SMU1: variants seen among roughly 807,000 people sequenced by gnomAD.
SMU1 encodes the protein SMU1 DNA replication regulator and spliceosomal factor, also known as WD40 repeat-containing protein SMU1.
A neutral mutation model predicts 62.0 loss-of-function variants in SMU1; 2 were observed. The ratio of observed to expected loss-of-function variants is 0.03; its 90% CI spans 0.01 to 0.10. The LOEUF (loss-of-function observed/expected upper bound fraction) is 0.10. SMU1 is among the 10% of genes least tolerant of loss of function. The pLI, the probability that SMU1 is intolerant of heterozygous loss-of-function variation, is 1.00. For missense variants in SMU1, 227 were observed against 622.1 expected, an observed-to-expected ratio of 0.36 and a Z score of 6.76; for synonymous variants, 188 against 212.4, an observed-to-expected ratio of 0.89 and a Z score of 1.00.
rs1839182254 is a variant in SMU1 at position 33,046,133 on chromosome 9, AAT to A, written c.*1158_*1159del. On this transcript the variant is annotated 3_prime_UTR_variant, in exon 12 of 12. Coordinates refer to ENST00000397149, the MANE Select transcript of SMU1 (RefSeq NM_018225.3). Reference sequence around the variant, plus strand: ...ACATGTTTTTCTTTAGATAACTGGTAATGATGCACATTACAAAGGAGACTTTT... The same window carrying A: ...ACATGTTTTTCTTTAGATAACTGGTAGATGCACATTACAAAGGAGACTTTT... The A allele has an allele frequency of 6.6e-6, 1 of 152,248 alleles. No homozygotes were observed. Among genetic ancestry groups the A allele is most frequent in the African/African-American group, 2.4e-5 (1 of 41,466 alleles). 9.4% of individuals were successfully genotyped at this position (152,248 alleles called of 1,614,324 possible).
At chr9:33,061,123 C>G (rs978862288) in intron 5 of SMU1, among the ~76,000 whole-genome samples, 1 of 152,166 alleles carries the variant, frequency 6.6e-6, no homozygotes, top group African/African-American at 2.4e-5. Flanking sequence ...AGCTAATATA[C>G]TGTCTGATAA....
Position 33,057,726 on chromosome 9 carries a change from A to G in SMU1, c.751-12T>C, listed in dbSNP as rs1388156256. 6.2e-7 allele frequency: 1 copy of G among 1,613,296 alleles called. No individual in the cohort carries two copies. Among genetic ancestry groups the G allele is most frequent in the African/African-American group, 1.3e-5 (1 of 74,920 alleles). The stretch of plus-strand genomic sequence containing the variant: ...TGGTACTTAAGATCCTAAAGAAACA[A>G]TGGTTAGCAGTTATCAAAATAACAC... On this transcript the variant is annotated splice_polypyrimidine_tract_variant and intron_variant, in intron 6 of 11. Coordinates refer to ENST00000397149, the MANE Select transcript of SMU1 (RefSeq NM_018225.3).
Position 33,076,654 on chromosome 9 carries a change from G to T in SMU1, c.-46C>A. ...AGGCCCCAGCTCTCCCTCAAGGCCAGTCGCGCAACACACCAACGACACCTC... is the reference window on the plus strand; with the variant it reads ...AGGCCCCAGCTCTCCCTCAAGGCCATTCGCGCAACACACCAACGACACCTC... On this transcript the variant is annotated 5_prime_UTR_variant, in exon 1 of 12. In the 5' UTR this introduces an upstream ATG that the reference lacks. Transcript: ENST00000397149. The T allele has an allele frequency of 6.2e-7, 1 of 1,613,304 alleles. No homozygotes were observed.
chr9:33,054,453 C>T (rs1839283996), intron 9 of SMU1, among the ~76,000 whole-genome samples: 1 of 152,158 alleles, frequency 6.6e-6, no homozygotes, highest in African/African-American at 2.4e-5. Context: ...GAACAGAAGT[C>T]ACAATGTTAG....
intron 10 of SMU1, 94 bp from the exon 11 acceptor site, chr9:33,048,352 T>G: frequency 6.6e-7 from 1 of 1,512,010 alleles, no homozygotes; most frequent in Non-Finnish European, 9.0e-7. Flanking sequence ...CGTTGTTATT[T>G]TGCACTTTGG....
chr9:33,060,644 C>A, intron 5 of SMU1, 60 bp from the exon 6 acceptor site: 1 of 1,593,898 alleles, frequency 6.3e-7, no homozygotes, highest in African/African-American at 1.4e-5. Context: ...AAAACAATTC[C>A]TTTTTTAACC....
At chr9:33,060,715 G>A (rs1316430699) in intron 5 of SMU1, 131 bp from the exon 6 acceptor site, 3 of 1,126,048 alleles carry the variant, frequency 2.7e-6, no homozygotes, top group Non-Finnish European at 3.7e-6. Flanking sequence ...AGTATTGGAG[G>A]GGTATTTCTG....
At chr9:33,058,239 T>G (rs944247864) in intron 6 of SMU1, among the ~76,000 whole-genome samples, 4 of 152,186 alleles carry the variant, frequency 2.6e-5, no homozygotes, top group Non-Finnish European at 5.9e-5. Flanking sequence ...TAAAGAAACA[T>G]ATAAAGTAGA....
Position 33,042,128 on chromosome 9 carries a change from G to C in SMU1, c.*5165C>G, listed in dbSNP as rs986141331. ...ACTAAAAGAAAGTCATATTAGGTCG[G>C]TTGGTGCAAAAGTAATGTGCCATTA... On this transcript the variant is annotated 3_prime_UTR_variant, in exon 12 of 12. Coordinates refer to ENST00000397149, the MANE Select transcript of SMU1 (RefSeq NM_018225.3). 6.7e-6 allele frequency: 1 copy of C among 148,622 alleles called. No homozygotes were observed. The highest frequency in any genetic ancestry group is 1.5e-5 in the Non-Finnish European group (1 of 66,540). The allele number at this position is 148,622 out of a possible 1,614,324, so 9.2% of individuals were successfully genotyped here. A position where few individuals can be genotyped will look rare whatever the true frequency, so the allele number is the denominator to read the frequency against.
At chr9:33,060,233 T>G (rs539438490) in intron 6 of SMU1, among the ~76,000 whole-genome samples, 5 of 151,880 alleles carry the variant, frequency 3.3e-5, no homozygotes, top group African/African-American at 1.2e-4. Flanking sequence ...CCCGGCTGGG[T>G]TGAACTCCTG....
rs113985032 is a variant in SMU1 at position 33,075,863 on chromosome 9, A to C, written c.26+720T>G. On this transcript the variant is annotated intron_variant, in intron 1 of 11. Coordinates refer to ENST00000397149, the MANE Select transcript of SMU1 (RefSeq NM_018225.3). ...GATGGAGTTCTGGAAAAGCACACTA[A>C]GGTCTTCTTTAGTCACTAATTCTCA... Among the ~76,000 whole-genome samples the C allele has an allele frequency of 4.2e-3, 644 of 152,270 alleles. 2 individuals carry two copies. Among genetic ancestry groups the C allele is most frequent in the African/African-American group, 0.015 (617 of 41,554 alleles).
At chr9:33,051,270 T>A (rs1438554703) in intron 10 of SMU1, among the ~76,000 whole-genome samples, 2 of 151,864 alleles carry the variant, frequency 1.3e-5, no homozygotes, top group Non-Finnish European at 2.9e-5. Flanking sequence ...AAGGCAAAAC[T>A]ATGGAGACAG....
chr9:33,051,736 T>G (rs1250676160), intron 10 of SMU1, among the ~76,000 whole-genome samples: 5 of 152,172 alleles, frequency 3.3e-5, no homozygotes, highest in Non-Finnish European at 5.9e-5. Context: ...AGATGTAGCA[T>G]GAGAGTTTCT....
chr9:33,067,032 G>C (rs1839428732), intron 4 of SMU1, among the ~76,000 whole-genome samples: 1 of 151,998 alleles, frequency 6.6e-6, no homozygotes, highest in Non-Finnish European at 1.5e-5. Context: ...GGCTGGACTA[G>C]CAGAAGTGCA....
chr9:33,049,424 C>T (rs1286550875), intron 10 of SMU1, among the ~76,000 whole-genome samples: 3 of 152,174 alleles, frequency 2.0e-5, no homozygotes, highest in African/African-American at 4.8e-5. Context: ...AAAGACCTTA[C>T]AGTCTTCACA....
At chr9:33,057,056 TA>T in intron 7 of SMU1, 92 bp from the exon 8 acceptor site, 1 of 1,370,028 alleles carries the variant, frequency 7.3e-7, no homozygotes, top group South Asian at 1.3e-5. Context: ...CAATGCTCAC[TA>T]ATGTACTGAA....
chr9:33,064,354 G>A (rs188607918), intron 4 of SMU1, among the ~76,000 whole-genome samples: 72 of 152,170 alleles, frequency 4.7e-4, no homozygotes, highest in African/African-American at 1.6e-3. Context: ...AAGACTATCA[G>A]GTTTGATAGA....
At chr9:33,062,673 A>G (rs1839376428) in intron 4 of SMU1, among the ~76,000 whole-genome samples, 1 of 152,144 alleles carries the variant, frequency 6.6e-6, no homozygotes, top group Non-Finnish European at 1.5e-5. Context: ...CATCTAGTAG[A>G]TGTCTCACAG....
At position 33,042,924 on chromosome 9, in the gene SMU1, C is replaced by T. The variant is rs1839141402; in HGVS notation, c.*4369G>A. ...AGTCTCAGCTCACTGCAACCTCTGC[C>T]TCCCGGGTTCCAGCTATTCTCCTGC... On this transcript the variant is annotated 3_prime_UTR_variant, in exon 12 of 12. Transcript: ENST00000397149. The T allele has an allele frequency of 6.6e-6, 1 of 152,428 alleles. No homozygotes were observed. Among genetic ancestry groups the T allele is most frequent in the African/African-American group, 2.4e-5 (1 of 41,446 alleles). 9.4% of individuals were successfully genotyped at this position (152,428 alleles called of 1,614,324 possible). A position where few individuals can be genotyped will look rare whatever the true frequency, so the allele number is the denominator to read the frequency against.
Sources: gnomAD v4.1 joint callset for allele counts (sites outside exome capture counted in the v4.1 genomes callset) on GRCh38, gnomAD v4.1.1 for gene constraint, MANE v1.5 for transcripts, NCBI Gene and HGNC (gene_info 2026-07-23, HGNC 2026-07-21) for gene names.